ENOX2: variants seen among roughly 807,000 people sequenced by gnomAD.
ENOX2 encodes APK1 antigen.
A neutral mutation model predicts 45.0 loss-of-function variants in ENOX2; 36 were observed. The observed-to-expected ratio is 0.80, with a 90% CI of 0.61 to 1.06. ENOX2 has a LOEUF of 1.06. ENOX2 is among the 50% of genes least tolerant of loss of function. The probability of loss-of-function intolerance (pLI) is 0.00; values close to 1 mark genes in which losing one functional copy is unlikely to be tolerated. For synonymous variants in ENOX2, 174 were observed against 152.3 expected (o/e 1.14, Z -1.05); for missense variants, 423 against 462.5 (o/e 0.91, Z 0.78).
chrX:130,868,854 G>T (rs1013658868), intron 2 of ENOX2, among the ~76,000 whole-genome samples: 2 of 110,920 alleles, frequency 1.8e-5, no homozygotes, highest in African/African-American at 6.6e-5. Flanking sequence ...CTCATCTAGG[G>T]TATTGATACC....
chrX:130,707,073 C>CTGA (rs2038056090), intron 3 of ENOX2, among the ~76,000 whole-genome samples: 1 of 112,492 alleles, frequency 8.9e-6, no homozygotes, highest in Non-Finnish European at 1.9e-5. Flanking sequence ...AAGTTCTGGC[C>CTGA]TGATCCACTT....
At chrX:130,820,699 A>G (rs747548713) in intron 2 of ENOX2, among the ~76,000 whole-genome samples, 68 of 112,858 alleles carry the variant, frequency 6.0e-4, no homozygotes, top group African/African-American at 2.1e-3. Flanking sequence ...TAAGTGAAAT[A>G]AGCCAGGCAC....
intron 2 of ENOX2, among the ~76,000 whole-genome samples, chrX:130,851,030 C>T (rs761417): frequency 2.7e-5 from 3 of 112,348 alleles, no homozygotes; most frequent in Non-Finnish European, 5.6e-5. Context: ...AAAAGCTTTG[C>T]CTGTTCAAGA....
intron 9 of ENOX2, among the ~76,000 whole-genome samples, chrX:130,662,761 T>C (rs931494012): frequency 2.7e-5 from 3 of 111,866 alleles, no homozygotes; most frequent in African/African-American, 9.8e-5. Flanking sequence ...ATCTTTTAGG[T>C]TTAGGGAATG....
intron 2 of ENOX2, among the ~76,000 whole-genome samples, chrX:130,877,577 T>A (rs773134951): frequency 1.7e-4 from 19 of 112,173 alleles, no homozygotes; most frequent in African/African-American, 5.5e-4. Context: ...CATTTTGCAA[T>A]GCTTTTCTCT....
chrX:130,646,116 C>G (rs1426461962), intron 10 of ENOX2: 7 of 526,052 alleles, frequency 1.3e-5, no homozygotes, highest in African/African-American at 4.6e-5. Context: ...TCTCCTGCTG[C>G]CTGCAGCCCA....
In ENOX2 at chrX:130,634,978, A is replaced by G. The variant is rs367898020; in HGVS notation, c.1419+6T>C. 7.7e-6 allele frequency: 8 copies of G among 1,039,013 alleles called. No individual in the cohort carries two copies. The highest frequency in any genetic ancestry group is 1.1e-5 in the Non-Finnish European group (8 of 743,958). The allele number at this position is 1,039,013 out of a possible 1,213,427, so 85.6% of individuals were successfully genotyped here. On this transcript the variant is annotated splice_donor_region_variant and intron_variant, in intron 12 of 14. Coordinates refer to ENST00000394363, the MANE Select transcript of ENOX2 (RefSeq NM_006375.4). ...AAGGAAAAAGGTTCACTTAGGGTGCATGTACCTTTTCTTTAAGATTTTCCA... is the reference window on the plus strand; with the variant it reads ...AAGGAAAAAGGTTCACTTAGGGTGCGTGTACCTTTTCTTTAAGATTTTCCA...
chrX:130,846,353 TTG>T (rs1464246252), intron 2 of ENOX2, among the ~76,000 whole-genome samples: 1 of 110,399 alleles, frequency 9.1e-6, no homozygotes, highest in African/African-American at 3.3e-5. Context: ...TTTTTTTTTT[TTG>T]AGACGAAGTT....
At chrX:130,660,746 A>G (rs1453263341) in intron 9 of ENOX2, among the ~76,000 whole-genome samples, 1 of 112,528 alleles carries the variant, frequency 8.9e-6, no homozygotes, top group East Asian at 2.8e-4. Context: ...GACTACAACA[A>G]AAAAGGTAAG....
At chrX:130,709,809 C>T (rs1603313726) in intron 3 of ENOX2, among the ~76,000 whole-genome samples, 2 of 108,335 alleles carry the variant, frequency 1.8e-5, no homozygotes, top group African/African-American at 6.7e-5. Context: ...GATACATGTG[C>T]GAATGTGCAG....
Position 130,665,721 on chromosome X carries a change from G to T in ENOX2, c.936C>A (p.Ser312=). Residue 312 remains serine, a synonymous_variant, in exon 9 of 15, where the codon TCC becomes TCA. Coordinates refer to ENST00000394363, the MANE Select transcript of ENOX2 (RefSeq NM_006375.4). The part of the protein sequence containing the change: ...QFEQIVAVYH[S]ASKQKAWDHF... ...GGTCCCATGCCTTCTGCTTGGAGGC[G>T]GAATGGTACACAGCCACTATCTGCT... 1 of 1,200,613 alleles carries T rather than the reference G, an allele frequency of 8.3e-7. No homozygotes were observed.
chrX:130,881,139 C>A (rs919950062), intron 2 of ENOX2, among the ~76,000 whole-genome samples: 6 of 111,750 alleles, frequency 5.4e-5, no homozygotes, highest in Admixed American at 4.7e-4. Flanking sequence ...CAAAAAAATT[C>A]AGTTCCTCAG....
chrX:130,723,494 T>C lies in ENOX2; in HGVS notation c.-38-20240A>G, dbSNP rs762685548. ...TTCTTTACCAATGATATTTGCATTC[T>C]ACTAGGAAATATAATTCATAAAGGA... On this transcript the variant is annotated intron_variant, in intron 3 of 14. Transcript: ENST00000394363. 2.7e-5 allele frequency among the ~76,000 whole-genome samples: 3 copies of C among 112,517 alleles called. No individual in the cohort carries two copies. The South Asian group carries it at 1.1e-3, about 42-fold the overall frequency.
chrX:130,635,438 G>GT, intron 11 of ENOX2, among the ~76,000 whole-genome samples: 1 of 112,068 alleles, frequency 8.9e-6, no homozygotes, highest in Admixed American at 9.5e-5. Flanking sequence ...ATGTAATGTT[G>GT]TAAAGCATTC....
intron 2 of ENOX2, among the ~76,000 whole-genome samples, chrX:130,889,097 C>T (rs1357217556): frequency 8.9e-6 from 1 of 112,079 alleles, no homozygotes; most frequent in Non-Finnish European, 1.9e-5. Flanking sequence ...CCTATGTATA[C>T]AGTGACCAGC....
rs1466528788 is a variant in ENOX2 at position 130,631,420 on chromosome X, C to T, written c.1528+48G>A. ...TCTTAGGTAAAGCCCTCCTCTCCTCCATTGTACCCAGGCATTGTACGTGGC... is the reference window on the plus strand; with the variant it reads ...TCTTAGGTAAAGCCCTCCTCTCCTCTATTGTACCCAGGCATTGTACGTGGC... On this transcript the variant is annotated intron_variant, in intron 13 of 14. Transcript: ENST00000394363. 3 of 708,148 alleles carry T rather than the reference C, an allele frequency of 4.2e-6. No homozygotes were observed. In the Admixed American group the frequency reaches 6.7e-5, roughly 16 times the overall value. 58.4% of individuals were successfully genotyped at this position (708,148 alleles called of 1,213,427 possible). A position where few individuals can be genotyped will look rare whatever the true frequency, so the allele number is the denominator to read the frequency against.
intron 2 of ENOX2, among the ~76,000 whole-genome samples, chrX:130,830,355 C>A (rs142579060): frequency 0.029 from 3,251 of 111,329 alleles, 49 homozygotes; most frequent in Non-Finnish European, 0.041. Flanking sequence ...GTGACAATAT[C>A]TTCATTGTTA....
At chrX:130,663,821 T>A (rs1219176671) in intron 9 of ENOX2, among the ~76,000 whole-genome samples, 1 of 111,589 alleles carries the variant, frequency 9.0e-6, no homozygotes, top group Non-Finnish European at 1.9e-5. Flanking sequence ...ATTTAGCGTG[T>A]GAAACTCCCC....
intron 2 of ENOX2, among the ~76,000 whole-genome samples, chrX:130,814,585 G>A (rs1191053415): frequency 8.9e-6 from 1 of 111,955 alleles, no homozygotes; most frequent in Non-Finnish European, 1.9e-5. Context: ...AGCCTCTGCT[G>A]GTGATACTCA....
Sources: gnomAD v4.1 joint callset for allele counts (sites outside exome capture counted in the v4.1 genomes callset) on GRCh38, gnomAD v4.1.1 for gene constraint, MANE v1.5 for transcripts, NCBI Gene and HGNC (gene_info 2026-07-23, HGNC 2026-07-21) for gene names.